FHIT: variants seen among roughly 807,000 people sequenced by gnomAD.
FHIT encodes fragile histidine triad diadenosine triphosphatase.
FHIT carries 19 observed loss-of-function variants against 17.9 expected under a neutral mutation model. The ratio of observed to expected loss-of-function variants is 1.06; its 90% CI spans 0.74 to 1.56. The LOEUF is 1.56. FHIT is among the 40% of genes most tolerant of loss of function. FHIT has a pLI of 0.00. For synonymous variants in FHIT, 81 were observed against 69.7 expected (o/e 1.16, Z -0.81); for missense variants, 248 against 189.2 (o/e 1.31, Z -1.82).
intron 5 of FHIT, among the ~76,000 whole-genome samples, chr3:60,325,868 A>G (rs752911636): frequency 6.6e-6 from 1 of 152,234 alleles, no homozygotes; most frequent in Non-Finnish European, 1.5e-5. Context: ...ATGCACTTAC[A>G]TTTTGGACTA....
intron 5 of FHIT, among the ~76,000 whole-genome samples, chr3:60,369,948 C>G (rs543988127): frequency 6.6e-6 from 1 of 152,086 alleles, no homozygotes; most frequent in Non-Finnish European, 1.5e-5. Context: ...AAGAGAAAAA[C>G]AGTCATGATT....
intron 4 of FHIT, among the ~76,000 whole-genome samples, chr3:60,713,135 G>A (rs1455384434): frequency 9.9e-5 from 15 of 152,156 alleles, no homozygotes; most frequent in Middle Eastern, 3.4e-3. Context: ...ACTCAAAACC[G>A]CTCAACTACA....
intron 8 of FHIT, 90 bp from the exon 9 acceptor site, chr3:59,752,411 A>G (rs1300298079): frequency 1.1e-6 from 1 of 898,650 alleles, no homozygotes; most frequent in Non-Finnish European, 1.7e-6. Flanking sequence ...ACTGAACAAA[A>G]TTTGCAAATT....
intron 2 of FHIT, among the ~76,000 whole-genome samples, chr3:61,067,700 A>G (rs2034660030): frequency 6.6e-6 from 1 of 152,206 alleles, no homozygotes; most frequent in East Asian, 1.9e-4. Context: ...CCACAGTTTC[A>G]GGTATTCAAA....
intron 5 of FHIT, among the ~76,000 whole-genome samples, chr3:60,497,837 C>T (rs1318105651): frequency 6.6e-6 from 1 of 152,184 alleles, no homozygotes; most frequent in Non-Finnish European, 1.5e-5. Flanking sequence ...GCTTAGGATG[C>T]TGATTTCTCC....
At chr3:60,508,486 T>C (rs2034823467) in intron 5 of FHIT, among the ~76,000 whole-genome samples, 1 of 152,216 alleles carries the variant, frequency 6.6e-6, no homozygotes, top group African/African-American at 2.4e-5. Context: ...GCATAAATGA[T>C]GTTTGTCAAA....
chr3:60,177,072 A>G (rs1219439404), intron 5 of FHIT, among the ~76,000 whole-genome samples: 1 of 152,164 alleles, frequency 6.6e-6, no homozygotes, highest in Non-Finnish European at 1.5e-5. Flanking sequence ...GAAAATGATG[A>G]AAAATCTGTG....
chr3:60,879,652 G>A (rs369474717), intron 3 of FHIT, among the ~76,000 whole-genome samples: 1 of 151,762 alleles, frequency 6.6e-6, no homozygotes, highest in African/African-American at 2.4e-5. Context: ...AGAAAATACA[G>A]ATAGACAATT....
At position 61,217,110 on chromosome 3, in the gene FHIT, G is replaced by A. The variant is rs749273005; in HGVS notation, c.-212-16445C>T. ...GTATAAATATGTGACTAACCTGCAC[G>A]TTGTGCACATGTACCCTAAAACTTA... On this transcript the variant is annotated intron_variant, in intron 1 of 9. Coordinates refer to ENST00000492590, the MANE Select transcript of FHIT (RefSeq NM_002012.4). 8.6e-5 allele frequency among the ~76,000 whole-genome samples: 13 copies of A among 151,968 alleles called. 1 individual carries two copies. The East Asian group carries it at 9.6e-4, about 11-fold the overall frequency.
At chr3:60,854,776 C>T (rs993555967) in intron 3 of FHIT, among the ~76,000 whole-genome samples, 2 of 152,106 alleles carry the variant, frequency 1.3e-5, no homozygotes, top group Non-Finnish European at 2.9e-5. Flanking sequence ...ACAAATGGGT[C>T]ATACAGTCTT....
intron 4 of FHIT, among the ~76,000 whole-genome samples, chr3:60,760,759 C>T (rs7641879): frequency 0.019 from 2,869 of 152,106 alleles, 103 homozygotes; most frequent in African/African-American, 0.064. Context: ...CCAAATGTTG[C>T]ATTTGGTAGT....
intron 3 of FHIT, among the ~76,000 whole-genome samples, chr3:60,823,876 A>T (rs1553740135): frequency 1.3e-5 from 2 of 152,184 alleles, no homozygotes; most frequent in African/African-American, 4.8e-5. Flanking sequence ...CTCTGGATGA[A>T]GAAATTCTAG....
intron 4 of FHIT, among the ~76,000 whole-genome samples, chr3:60,565,119 G>T (rs999125076): frequency 6.6e-6 from 1 of 152,068 alleles, no homozygotes; most frequent in East Asian, 1.9e-4. Flanking sequence ...TAGCAATAAA[G>T]TATTTTTAAT....
intron 5 of FHIT, among the ~76,000 whole-genome samples, chr3:60,350,455 A>G (rs1255295923): frequency 8.5e-5 from 13 of 152,188 alleles, no homozygotes; most frequent in Admixed American, 6.5e-4. Context: ...CAATTTCTAC[A>G]TATTATCTCC....
intron 3 of FHIT, among the ~76,000 whole-genome samples, chr3:60,973,113 T>C (rs1710091597): frequency 6.6e-6 from 1 of 152,190 alleles, no homozygotes; most frequent in Non-Finnish European, 1.5e-5. Context: ...TACTTTCTAG[T>C]GAATGACAGA....
intron 3 of FHIT, among the ~76,000 whole-genome samples, chr3:61,008,557 G>A (rs2031593919): frequency 6.7e-6 from 1 of 149,844 alleles, no homozygotes; most frequent in Non-Finnish European, 1.5e-5. Flanking sequence ...GGTTGTGTTT[G>A]TGCAACAGTT....
At chr3:61,232,825 A>G (rs1475264844) in intron 1 of FHIT, among the ~76,000 whole-genome samples, 1 of 152,202 alleles carries the variant, frequency 6.6e-6, no homozygotes, top group Non-Finnish European at 1.5e-5. Flanking sequence ...ACTGGACAGG[A>G]GAGCAGGTAA....
At chr3:61,071,342 T>C (rs116628449) in intron 2 of FHIT, among the ~76,000 whole-genome samples, 3 of 152,318 alleles carry the variant, frequency 2.0e-5, no homozygotes, top group Non-Finnish European at 4.4e-5. Flanking sequence ...TCTGGCAATA[T>C]GCTTTGAATG....
chr3:60,122,360 G>T (rs4542973), intron 5 of FHIT, among the ~76,000 whole-genome samples: 22,959 of 152,052 alleles, frequency 0.15, 1,841 homozygotes, highest in South Asian at 0.21. Flanking sequence ...GTTGAATCCC[G>T]GCCCTCAGGG....
Sources: gnomAD v4.1 joint callset for allele counts (sites outside exome capture counted in the v4.1 genomes callset) on GRCh38, gnomAD v4.1.1 for gene constraint, MANE v1.5 for transcripts, NCBI Gene and HGNC (gene_info 2026-07-23, HGNC 2026-07-21) for gene names.